The following SYN3 variants were observed in gnomAD, a reference collection of about 807,000 sequenced individuals.
SYN3 encodes the protein synapsin III, also known as synapsin-3.
In SYN3, 35 loss-of-function variants were observed where a neutral mutation model predicts 65.8. That is an observed-to-expected ratio of 0.53 (90% CI 0.41 to 0.70). The LOEUF (loss-of-function observed/expected upper bound fraction) is 0.70, where lower values mean the gene tolerates loss of function less well. Ranked by LOEUF, SYN3 falls within the 30% of genes least tolerant of loss-of-function variation. SYN3 has a pLI of 0.00. For missense variants in SYN3, 680 were observed against 749.0 expected (o/e 0.91, Z 1.08); for synonymous variants, 270 against 292.9 (o/e 0.92, Z 0.80).
Position 32,513,795 on chromosome 22 carries a change from C to T in SYN3, c.1640G>A (p.Ser547Asn). Residue 547 changes from serine to asparagine, a missense_variant, in exon 14 of 14, where the codon AGC becomes AAC. Physicochemically the swap from Ser to Asn is conservative, Grantham distance 46. Coordinates refer to ENST00000358763, the MANE Select transcript of SYN3 (RefSeq NM_003490.4). ...CCCACGCTGGGAGGTGTCGGATGTG[C>T]TGAGGCTGTTAGTCAGGGACTGAGA... Reference protein sequence around the residue: ...NKSQSLTNSLSTSDTSQRGTP... With the variant: ...NKSQSLTNSLNTSDTSQRGTP... 1 of 1,614,132 alleles carries T rather than the reference C, an allele frequency of 6.2e-7. No homozygotes were observed. Among genetic ancestry groups the T allele is most frequent in the Non-Finnish European group, 8.5e-7 (1 of 1,180,028 alleles).
At chr22:32,553,756 G>A (rs112389540) in intron 7 of SYN3, among the ~76,000 whole-genome samples, 1 of 152,216 alleles carries the variant, frequency 6.6e-6, no homozygotes, top group African/African-American at 2.4e-5. Context: ...ACCCAGTGAG[G>A]TGGGGCCTGG....
intron 6 of SYN3, among the ~76,000 whole-genome samples, chr22:32,857,859 AT>A (rs1196362708): frequency 6.6e-6 from 1 of 152,100 alleles, no homozygotes; most frequent in Non-Finnish European, 1.5e-5. Flanking sequence ...GCTACAGTCC[AT>A]TTTAAAAGGT....
intron 12 of SYN3, 65 bp from the exon 13 acceptor site, chr22:32,518,399 C>T: frequency 6.3e-7 from 1 of 1,579,834 alleles, no homozygotes; most frequent in South Asian, 1.1e-5. Context: ...TGGCTGTACA[C>T]AAATAATGTT....
At chr22:33,032,668 A>G (rs771693921) in intron 1 of SYN3, among the ~76,000 whole-genome samples, 4 of 152,022 alleles carry the variant, frequency 2.6e-5, no homozygotes, top group African/African-American at 4.8e-5. Context: ...AATTCATCCC[A>G]TATAAGGTAG....
chr22:32,587,329 G>A (rs2146534758), intron 7 of SYN3, among the ~76,000 whole-genome samples: 1 of 151,962 alleles, frequency 6.6e-6, no homozygotes, highest in East Asian at 1.9e-4. Flanking sequence ...GGAGGGAGGT[G>A]GGATTGAGAG....
At chr22:33,056,460 C>G (rs1277467007) in intron 1 of SYN3, among the ~76,000 whole-genome samples, 1 of 152,208 alleles carries the variant, frequency 6.6e-6, no homozygotes, top group African/African-American at 2.4e-5. Flanking sequence ...AGTCCCTAGT[C>G]AGGAACTGTC....
At chr22:32,955,505 G>C (rs535731810) in intron 3 of SYN3, among the ~76,000 whole-genome samples, 1 of 152,110 alleles carries the variant, frequency 6.6e-6, no homozygotes, top group Non-Finnish European at 1.5e-5. Flanking sequence ...ATATTTTAAA[G>C]ATTTTTATGT....
At chr22:32,623,304 G>A (rs551168512) in intron 6 of SYN3, among the ~76,000 whole-genome samples, 35 of 151,832 alleles carry the variant, frequency 2.3e-4, no homozygotes, top group African/African-American at 8.0e-4. Context: ...CTCCTGCCTT[G>A]GTCTCCGTAG....
chr22:33,022,770 C>T (rs1361185044), intron 1 of SYN3, among the ~76,000 whole-genome samples: 2 of 152,054 alleles, frequency 1.3e-5, no homozygotes, highest in African/African-American at 4.8e-5. Flanking sequence ...GCAACCACTC[C>T]CACAAACTGA....
At chr22:32,585,121 A>G (rs577821084) in intron 7 of SYN3, among the ~76,000 whole-genome samples, 23 of 152,220 alleles carry the variant, frequency 1.5e-4, no homozygotes, top group Non-Finnish European at 3.2e-4. Context: ...CCTCTGAAAT[A>G]CCTCTGAAGG....
rs137505 is a variant in SYN3, at chr22:32,882,053, CAA to C, written c.462-12930_462-12929del. ...CTGGCGACAGAGCGAGACTCTGTCT[CAA>C]AAAAAAAAAAAAAGGAACCTCGAGG... On this transcript the variant is annotated intron_variant, in intron 4 of 13. Transcript: ENST00000358763. Among the ~76,000 whole-genome samples the C allele has an allele frequency of 2.9e-3, 399 of 136,400 alleles. 3 individuals carry two copies. In the East Asian group the frequency reaches 0.03, roughly 10 times the overall value. 89.5% of individuals were successfully genotyped at this position (136,400 alleles called of 152,430 possible). A position where few individuals can be genotyped will look rare whatever the true frequency, so the allele number is the denominator to read the frequency against.
intron 1 of SYN3, among the ~76,000 whole-genome samples, chr22:33,009,255 C>A (rs1286869889): frequency 6.6e-6 from 1 of 152,132 alleles, no homozygotes; most frequent in African/African-American, 2.4e-5. Context: ...TGAGAGTTCC[C>A]GTTCCTCCAC....
chr22:32,607,121 T>C (rs904147582), intron 6 of SYN3, among the ~76,000 whole-genome samples: 1 of 150,150 alleles, frequency 6.7e-6, no homozygotes, highest in Non-Finnish European at 1.5e-5. Flanking sequence ...CTGGCTTGCA[T>C]CTCCCTGCCT....
chr22:32,879,824 A>G (rs1230983275), intron 4 of SYN3, among the ~76,000 whole-genome samples: 1 of 152,238 alleles, frequency 6.6e-6, no homozygotes. Context: ...GTCCATATAA[A>G]GTCAACAACC....
intron 6 of SYN3, among the ~76,000 whole-genome samples, chr22:32,757,359 G>A (rs1005271518): frequency 1.3e-5 from 2 of 148,772 alleles, no homozygotes; most frequent in Non-Finnish European, 3.0e-5. Flanking sequence ...GTGCAATGGC[G>A]CAATCTCGGC....
rs2061011924 is a variant in SYN3 at position 32,714,616 on chromosome 22, G to T, written c.712-117880C>A. On this transcript the variant is annotated intron_variant, in intron 6 of 13. Transcript: ENST00000358763. ...TGTCTCTGGCAACTCTAGATAACTA[G>T]ATTCTAAGTATAGCTCATGACCTGC... Among the ~76,000 whole-genome samples, 3 of 151,304 alleles carry T rather than the reference G, an allele frequency of 2.0e-5. No homozygotes were observed. In the South Asian group the frequency reaches 6.3e-4, roughly 32 times the overall value.
At chr22:32,555,979 A>G (rs962832763) in intron 7 of SYN3, among the ~76,000 whole-genome samples, 1 of 152,196 alleles carries the variant, frequency 6.6e-6, no homozygotes, top group Non-Finnish European at 1.5e-5. Flanking sequence ...TCATGCTCAC[A>G]GAGTTTAGCT....
At chr22:32,585,298 C>T (rs1393664217) in intron 7 of SYN3, among the ~76,000 whole-genome samples, 1 of 152,176 alleles carries the variant, frequency 6.6e-6, no homozygotes. Context: ...TGCTGGCAAA[C>T]AGTTGAGCCA....
At chr22:32,708,177 G>A (rs1569163149) in intron 6 of SYN3, among the ~76,000 whole-genome samples, 1 of 152,228 alleles carries the variant, frequency 6.6e-6, no homozygotes. Context: ...TCTGCAGCAG[G>A]CAGTGGTGTG....
Sources: gnomAD v4.1 joint callset for allele counts (sites outside exome capture counted in the v4.1 genomes callset) on GRCh38, gnomAD v4.1.1 for gene constraint, MANE v1.5 for transcripts, NCBI Gene and HGNC (gene_info 2026-07-23, HGNC 2026-07-21) for gene names.